CELF4: variants seen among roughly 807,000 people sequenced by gnomAD.
The protein encoded by CELF4 is CUGBP Elav-like family member 4.
CELF4 carries 18 observed loss-of-function variants against 59.9 expected under a neutral mutation model. That is an observed-to-expected ratio of 0.30 (90% CI 0.21 to 0.45). CELF4 has a LOEUF of 0.45. Ranked by LOEUF, CELF4 falls within the 20% of genes least tolerant of loss-of-function variation. CELF4 has a pLI of 1.00. For synonymous variants in CELF4, 261 were observed against 267.1 expected (o/e 0.98, Z 0.22); for missense variants, 456 against 689.0 (o/e 0.66, Z 3.79).
intron 1 of CELF4, among the ~76,000 whole-genome samples, chr18:37,521,455 G>A (rs1162892189): frequency 6.6e-6 from 1 of 151,798 alleles, no homozygotes; most frequent in African/African-American, 2.4e-5. Context: ...TGTCCTTAAG[G>A]GTTGGCTGAT....
intron 2 of CELF4, among the ~76,000 whole-genome samples, chr18:37,349,578 A>G (rs2098393693): frequency 6.6e-6 from 1 of 152,222 alleles, no homozygotes; most frequent in Non-Finnish European, 1.5e-5. Flanking sequence ...CTTATTGTGC[A>G]TGAAGGACAG....
intron 2 of CELF4, among the ~76,000 whole-genome samples, chr18:37,325,770 A>G (rs537595081): frequency 5.9e-5 from 9 of 152,360 alleles, no homozygotes; most frequent in South Asian, 4.1e-4. Context: ...AGATTGGTAA[A>G]GGAGAACGGA....
At chr18:37,553,984 G>A (rs759568832) in intron 1 of CELF4, among the ~76,000 whole-genome samples, 5 of 152,228 alleles carry the variant, frequency 3.3e-5, no homozygotes, top group Admixed American at 6.5e-5. Context: ...TCCTCCCCAG[G>A]TATGAAAAAG....
chr18:37,448,484 G>A (rs775940252), intron 2 of CELF4, among the ~76,000 whole-genome samples: 22 of 152,194 alleles, frequency 1.4e-4, no homozygotes, highest in Admixed American at 2.0e-4. Flanking sequence ...GTCCCCTCCC[G>A]GCTGTGACCT....
At chr18:37,306,637 G>C (rs1271125864) in intron 3 of CELF4, among the ~76,000 whole-genome samples, 1 of 152,184 alleles carries the variant, frequency 6.6e-6, no homozygotes, top group Non-Finnish European at 1.5e-5. Context: ...CCCTGCCTGG[G>C]GGTCCCAGCC....
At chr18:37,459,471 T>G (rs1207523951) in intron 2 of CELF4, among the ~76,000 whole-genome samples, 2 of 152,196 alleles carry the variant, frequency 1.3e-5, no homozygotes, top group African/African-American at 2.4e-5. Flanking sequence ...CTACTCACTC[T>G]CTTCTTAGCA....
At chr18:37,348,798 C>T (rs1045360293) in intron 2 of CELF4, among the ~76,000 whole-genome samples, 1 of 152,162 alleles carries the variant, frequency 6.6e-6, no homozygotes, top group African/African-American at 2.4e-5. Flanking sequence ...TATTATCACA[C>T]ACTCCCCAAG....
chr18:37,434,450 T>A lies in CELF4; in HGVS notation c.369+51075A>T, dbSNP rs148540618. On this transcript the variant is annotated intron_variant, in intron 2 of 12. Transcript: ENST00000420428. ...CAGGGGCTGGTACCAGTCACCTTCA[T>A]GGGGCAAAAGCGCTTCAGTGGCCCC... is the stretch of plus-strand genomic sequence containing the variant. 1.8e-3 allele frequency among the ~76,000 whole-genome samples: 281 copies of A among 152,296 alleles called. 4 individuals are homozygous for A. Among genetic ancestry groups the A allele is most frequent in the African/African-American group, 6.4e-3 (265 of 41,564 alleles).
At chr18:37,322,729 C>T (rs533110206) in intron 2 of CELF4, among the ~76,000 whole-genome samples, 174 of 152,288 alleles carry the variant, frequency 1.1e-3, no homozygotes, top group African/African-American at 3.8e-3. Flanking sequence ...AAGCAACAAA[C>T]GTGAGGAGGA....
rs960862766 is a variant in CELF4, at chr18:37,274,979, A to G, written c.578-95T>C. 2.7e-5 allele frequency: 41 copies of G among 1,538,726 alleles called. No individual in the cohort carries two copies. The East Asian group carries it at 9.3e-4, about 35-fold the overall frequency. On this transcript the variant is annotated intron_variant, in intron 4 of 12. Coordinates refer to ENST00000420428, the MANE Select transcript of CELF4 (RefSeq NM_020180.4). Reference sequence around the variant, plus strand: ...CATCCCAGGTGAACGCAGACGGGTGAGGCAGAGATTGAGAAAGAGACACCA... The same window carrying G: ...CATCCCAGGTGAACGCAGACGGGTGGGGCAGAGATTGAGAAAGAGACACCA...
At chr18:37,327,877 C>T (rs1163544228) in intron 2 of CELF4, among the ~76,000 whole-genome samples, 2 of 152,230 alleles carry the variant, frequency 1.3e-5, no homozygotes, top group Non-Finnish European at 1.5e-5. Context: ...TGGAAAGCTT[C>T]CCTGTCACTC....
chr18:37,369,524 G>A (rs188426824), intron 2 of CELF4, among the ~76,000 whole-genome samples: 76 of 152,254 alleles, frequency 5.0e-4, no homozygotes, highest in Non-Finnish European at 8.8e-4. Flanking sequence ...GTATACTTAA[G>A]GGCCAGGCAC....
At chr18:37,564,017 T>C (rs2099987368) in intron 1 of CELF4, among the ~76,000 whole-genome samples, 1 of 152,210 alleles carries the variant, frequency 6.6e-6, no homozygotes, top group Non-Finnish European at 1.5e-5. Context: ...GCTGTGTCCA[T>C]AGCCCATTTG....
intron 2 of CELF4, among the ~76,000 whole-genome samples, chr18:37,450,321 C>G (rs1055472669): frequency 2.0e-5 from 3 of 151,676 alleles, no homozygotes; most frequent in African/African-American, 7.3e-5. Context: ...CTCTCGCCCT[C>G]TCTTTGTGCT....
At position 37,519,448 on chromosome 18, in the gene CELF4, G is replaced by A. The variant is rs988459297; in HGVS notation, c.287-33841C>T. Among the ~76,000 whole-genome samples the A allele has an allele frequency of 6.6e-5, 10 of 152,208 alleles. No homozygotes were observed. The East Asian group carries it at 1.5e-3, about 24-fold the overall frequency. On this transcript the variant is annotated intron_variant, in intron 1 of 12. Transcript: ENST00000420428. ...CCCCTTCTGCAGGTCATCTTTCTTG[G>A]AGGCTTCAGTGGAAGATTAAAAAAG...
At chr18:37,521,283 A>T (rs1284773234) in intron 1 of CELF4, among the ~76,000 whole-genome samples, 1 of 152,120 alleles carries the variant, frequency 6.6e-6, no homozygotes, top group Non-Finnish European at 1.5e-5. Flanking sequence ...TTCAGGCACG[A>T]ACACAAATTA....
intron 3 of CELF4, among the ~76,000 whole-genome samples, chr18:37,301,241 C>T (rs544947773): frequency 1.3e-5 from 2 of 152,260 alleles, no homozygotes; most frequent in South Asian, 4.1e-4. Flanking sequence ...AGTGTGACTG[C>T]CTGGGGTCCC....
chr18:37,456,411 G>T (rs2099778455), intron 2 of CELF4, among the ~76,000 whole-genome samples: 1 of 152,110 alleles, frequency 6.6e-6, no homozygotes, highest in Non-Finnish European at 1.5e-5. Context: ...TGAGGAGTGA[G>T]GCTTTGCTTC....
At chr18:37,415,468 G>A (rs533770921) in intron 2 of CELF4, among the ~76,000 whole-genome samples, 1 of 152,310 alleles carries the variant, frequency 6.6e-6, no homozygotes, top group South Asian at 2.1e-4. Context: ...TCAAAGTCAC[G>A]CAGCAACTTT....
Sources: allele counts gnomAD v4.1 joint callset (sites outside exome capture counted in the v4.1 genomes callset), GRCh38; gene constraint gnomAD v4.1.1; transcripts MANE v1.5; gene names NCBI Gene and HGNC (gene_info 2026-07-23, HGNC 2026-07-21).